Variants in JAK1 observed in about 807,000 individuals in gnomAD.
JAK1 encodes the protein tyrosine-protein kinase JAK1.
Under a neutral mutation model 136.6 loss-of-function variants are expected in JAK1, and 16 were observed. The ratio of observed to expected loss-of-function variants is 0.12; its 90% CI spans 0.08 to 0.18. The LOEUF is 0.18. Ranked by LOEUF, JAK1 falls within the 10% of genes least tolerant of loss-of-function variation. The pLI, the probability that JAK1 is intolerant of heterozygous loss-of-function variation, is 1.00. For missense variants in JAK1, 859 were observed against 1,450.1 expected (o/e 0.59, Z 6.62); for synonymous variants, 492 against 519.5 (o/e 0.95, Z 0.72).
intron 4 of JAK1, among the ~76,000 whole-genome samples, chr1:64,878,561 G>GTGTATGTATGTATA (rs1298801037): frequency 8.3e-6 from 1 of 119,932 alleles, no homozygotes; most frequent in Non-Finnish European, 1.8e-5. Flanking sequence ...TATATAGTGT[G>GTGTATGTATGTATA]TATATATATA....
intron 1 of JAK1, among the ~76,000 whole-genome samples, chr1:64,956,496 A>G (rs1646190463): frequency 6.6e-6 from 1 of 152,184 alleles, no homozygotes; most frequent in African/African-American, 2.4e-5. Flanking sequence ...TTTAAATGTC[A>G]CTTTCTCAGA....
intron 1 of JAK1, among the ~76,000 whole-genome samples, chr1:64,924,156 TAA>T (rs1645543363): frequency 6.6e-6 from 1 of 152,194 alleles, no homozygotes; most frequent in Admixed American, 6.5e-5. Context: ...AAGTGATTTA[TAA>T]AAATGGTAAA....
intron 3 of JAK1, among the ~76,000 whole-genome samples, chr1:64,879,594 G>A (rs1433501205): frequency 6.6e-6 from 1 of 152,102 alleles, no homozygotes; most frequent in African/African-American, 2.4e-5. Context: ...TAACACGCTC[G>A]TGATTATACA....
intron 8 of JAK1, among the ~76,000 whole-genome samples, chr1:64,863,018 G>A (rs1372178936): frequency 1.3e-5 from 2 of 151,822 alleles, no homozygotes; most frequent in Non-Finnish European, 2.9e-5. Flanking sequence ...CATGTGACAC[G>A]GGGCCTAATA....
At chr1:64,925,612 C>T (rs948810672) in intron 1 of JAK1, among the ~76,000 whole-genome samples, 1 of 152,080 alleles carries the variant, frequency 6.6e-6, no homozygotes, top group Admixed American at 6.6e-5. Flanking sequence ...GACAATTAGT[C>T]GGTTCAAACT....
At chr1:64,993,488 C>T (rs1646676461) in intron 2 of JAK1, 1 of 152,218 alleles carries the variant, frequency 6.6e-6, no homozygotes, top group African/African-American at 2.4e-5. Flanking sequence ...TATTATAGAA[C>T]ATCCATGAAC....
intron 1 of JAK1, among the ~76,000 whole-genome samples, chr1:65,054,015 T>G (rs1257875233): frequency 1.3e-5 from 2 of 152,170 alleles, no homozygotes; most frequent in African/African-American, 4.8e-5. Flanking sequence ...CTGGTGGAGG[T>G]AGTCTAATGT....
intron 1 of JAK1, among the ~76,000 whole-genome samples, chr1:64,928,781 A>AG (rs2100424960): frequency 1.0e-5 from 1 of 100,446 alleles, no homozygotes; most frequent in African/African-American, 4.4e-5. Flanking sequence ...AACTCTGCAA[A>AG]AAAAAAAAAA....
rs191245752 is a variant in JAK1, at chr1:65,013,887, A to G, written c.-78+30593T>C. ...CACAGATTATAAAATTATGCCTACT[A>G]TTGTTAAAGAAATAAAAGATGAGCT... is the stretch of plus-strand genomic sequence containing the variant. On this transcript the variant is annotated intron_variant, in intron 2 of 25. Coordinates refer to the JAK1 transcript ENST00000671954. Among the ~76,000 whole-genome samples the G allele has an allele frequency of 2.1e-4, 32 of 152,318 alleles. No individual in the cohort carries two copies. In the East Asian group the frequency reaches 5.8e-3, roughly 28 times the overall value.
At position 64,848,467 on chromosome 1, in the gene JAK1, T is replaced by G. The variant is rs531547568; in HGVS notation, c.1756-792A>C. On this transcript the variant is annotated intron_variant, in intron 12 of 24. Coordinates refer to ENST00000342505, the MANE Select transcript of JAK1 (RefSeq NM_002227.4). ...GGCAACCTCACAGAGGAGATGGCAA[T>G]GTGAAGATGAAGGTGGAGCCTGGGG... is the stretch of plus-strand genomic sequence containing the variant. Among the ~76,000 whole-genome samples the G allele has an allele frequency of 2.6e-5, 4 of 152,216 alleles. No homozygotes were observed. The South Asian group carries it at 8.3e-4, about 32-fold the overall frequency.
chr1:64,883,119 G>A (rs868138496), intron 3 of JAK1, among the ~76,000 whole-genome samples, 158 bp downstream of exon 3: 18 of 152,174 alleles, frequency 1.2e-4, no homozygotes, highest in African/African-American at 3.9e-4. Context: ...ACTGGCCTAA[G>A]GTCACGTGCA....
intron 1 of JAK1, among the ~76,000 whole-genome samples, chr1:65,048,401 A>T (rs931030803): frequency 2.0e-5 from 3 of 152,204 alleles, no homozygotes; most frequent in Admixed American, 6.5e-5. Context: ...AGAGACTTTC[A>T]ATGTGCTCAG....
chr1:64,923,330 C>T (rs980922360), intron 1 of JAK1, among the ~76,000 whole-genome samples: 3 of 152,182 alleles, frequency 2.0e-5, no homozygotes, highest in African/African-American at 4.8e-5. Flanking sequence ...GTCTCACTAC[C>T]CCTTCATTAT....
chr1:65,021,240 C>T (rs1646934705), intron 2 of JAK1, among the ~76,000 whole-genome samples: 2 of 152,152 alleles, frequency 1.3e-5, no homozygotes, highest in African/African-American at 4.8e-5. Context: ...GTGGTAGCCA[C>T]TTCCAGTGTT....
At chr1:64,912,235 G>T (rs1371188520) in intron 1 of JAK1, among the ~76,000 whole-genome samples, 1 of 152,174 alleles carries the variant, frequency 6.6e-6, no homozygotes, top group East Asian at 1.9e-4. Context: ...AGGCCCATCT[G>T]TTCTAATGTC....
At chr1:65,004,623 A>G (rs1328149005) in intron 2 of JAK1, among the ~76,000 whole-genome samples, 1 of 149,064 alleles carries the variant, frequency 6.7e-6, no homozygotes, top group East Asian at 2.1e-4. Context: ...AGGAACCAAA[A>G]TTGCAAAACA....
At chr1:64,888,044 T>C (rs902598250) in intron 1 of JAK1, among the ~76,000 whole-genome samples, 10 of 152,160 alleles carry the variant, frequency 6.6e-5, no homozygotes, top group African/African-American at 2.2e-4. Flanking sequence ...CTGAAAAGCA[T>C]GCCTCAAACC....
chr1:65,017,036 A>T (rs1646897011), intron 2 of JAK1, among the ~76,000 whole-genome samples: 1 of 152,264 alleles, frequency 6.6e-6, no homozygotes, highest in Non-Finnish European at 1.5e-5. Context: ...AAAAATTTTG[A>T]ATTTATAAGT....
At chr1:64,915,738 T>A (rs931894231) in intron 1 of JAK1, among the ~76,000 whole-genome samples, 1 of 152,228 alleles carries the variant, frequency 6.6e-6, no homozygotes, top group African/African-American at 2.4e-5. Flanking sequence ...GGCTAGTGAC[T>A]ATTTTATTAT....
Sources: allele counts gnomAD v4.1 joint callset (sites outside exome capture counted in the v4.1 genomes callset), GRCh38; gene constraint gnomAD v4.1.1; transcripts MANE v1.5; gene names NCBI Gene and HGNC (gene_info 2026-07-23, HGNC 2026-07-21).